Variants in SLC8A1 observed in about 807,000 individuals in gnomAD.
The protein encoded by SLC8A1 is solute carrier family 8 member A1.
SLC8A1 carries 18 observed loss-of-function variants against 68.3 expected under a neutral mutation model. That is an observed-to-expected ratio of 0.26 (90% CI 0.18 to 0.39). The LOEUF (loss-of-function observed/expected upper bound fraction) is 0.39, where lower values mean the gene tolerates loss of function less well. Among genes scored for constraint, SLC8A1 ranks in the 10% least tolerant of loss-of-function variants. The probability of loss-of-function intolerance (pLI) is 1.00; values close to 1 mark genes in which losing one functional copy is unlikely to be tolerated. For missense variants in SLC8A1, 985 were observed against 1,156.7 expected (o/e 0.85, Z 2.15); for synonymous variants, 475 against 415.5 (o/e 1.14, Z -1.74).
At chr2:40,420,114 G>C (rs774118106) in intron 2 of SLC8A1, among the ~76,000 whole-genome samples, 1 of 152,012 alleles carries the variant, frequency 6.6e-6, no homozygotes, top group Non-Finnish European at 1.5e-5. Context: ...ACTTGGAATT[G>C]GGCATTTAAA....
At chr2:40,299,140 C>T (rs934425817) in intron 2 of SLC8A1, among the ~76,000 whole-genome samples, 2 of 152,112 alleles carry the variant, frequency 1.3e-5, no homozygotes, top group Non-Finnish European at 2.9e-5. Context: ...TGTCGCACAC[C>T]CCACCTTTCT....
intron 6 of SLC8A1, among the ~76,000 whole-genome samples, chr2:40,150,149 A>T (rs1229703165): frequency 6.6e-6 from 1 of 152,026 alleles, no homozygotes; most frequent in Non-Finnish European, 1.5e-5. Flanking sequence ...ACAGGCCATA[A>T]GACACAACAC....
intron 1 of SLC8A1, among the ~76,000 whole-genome samples, chr2:40,463,345 C>A (rs867025571): frequency 6.6e-6 from 1 of 152,112 alleles, no homozygotes; most frequent in Non-Finnish European, 1.5e-5. Flanking sequence ...GGGGTGTCAG[C>A]GGCGGCTGCA....
At chr2:40,355,031 G>T (rs1672255163) in intron 2 of SLC8A1, among the ~76,000 whole-genome samples, 1 of 152,126 alleles carries the variant, frequency 6.6e-6, no homozygotes, top group South Asian at 2.1e-4. Flanking sequence ...AAATTGTTCT[G>T]TTCTCAAATA....
At chr2:40,415,198 G>A (rs1456926586) in intron 2 of SLC8A1, among the ~76,000 whole-genome samples, 1 of 152,158 alleles carries the variant, frequency 6.6e-6, no homozygotes, top group East Asian at 1.9e-4. Flanking sequence ...ACAAGGTCAG[G>A]AAGTCTCAGG....
intron 2 of SLC8A1, among the ~76,000 whole-genome samples, chr2:40,394,855 A>G (rs1219725897): frequency 6.6e-6 from 1 of 151,994 alleles, no homozygotes; most frequent in Non-Finnish European, 1.5e-5. Context: ...TTGTGCAAAG[A>G]CTCCCAGAAA....
At chr2:40,342,026 A>C (rs1667853748) in intron 2 of SLC8A1, among the ~76,000 whole-genome samples, 1 of 152,156 alleles carries the variant, frequency 6.6e-6, no homozygotes, top group South Asian at 2.1e-4. Flanking sequence ...AGACCTAATC[A>C]AAGGTTATTT....
chr2:40,225,283 A>G (rs907199935), intron 2 of SLC8A1, among the ~76,000 whole-genome samples: 1 of 152,138 alleles, frequency 6.6e-6, no homozygotes, highest in Non-Finnish European at 1.5e-5. Flanking sequence ...CCCTATTTGT[A>G]TAGTGGAAAT....
At chr2:40,341,172 T>C (rs529565053) in intron 2 of SLC8A1, among the ~76,000 whole-genome samples, 1 of 152,216 alleles carries the variant, frequency 6.6e-6, no homozygotes, top group Admixed American at 6.5e-5. Flanking sequence ...CTCTTTGCCT[T>C]ATTTTTTTAC....
intron 4 of SLC8A1, among the ~76,000 whole-genome samples, chr2:40,174,106 T>C (rs749410079): frequency 2.0e-5 from 3 of 152,140 alleles, no homozygotes; most frequent in African/African-American, 7.2e-5. Context: ...TATTACTCAT[T>C]ACCATGTTAT....
chr2:40,413,206 G>A (rs1692725262), intron 2 of SLC8A1, among the ~76,000 whole-genome samples: 1 of 152,126 alleles, frequency 6.6e-6, no homozygotes, highest in South Asian at 2.1e-4. Flanking sequence ...ATTCCTCAGG[G>A]ATCTAGAACT....
intron 2 of SLC8A1, among the ~76,000 whole-genome samples, chr2:40,311,761 A>G (rs1278741327): frequency 6.6e-6 from 1 of 152,068 alleles, no homozygotes; most frequent in African/African-American, 2.4e-5. Flanking sequence ...TTGCATAATT[A>G]AAATATTAAA....
intron 1 of SLC8A1, among the ~76,000 whole-genome samples, chr2:40,492,505 A>C (rs976270173): frequency 2.5e-4 from 38 of 152,148 alleles, no homozygotes; most frequent in Non-Finnish European, 2.9e-4. Context: ...GGATCTAATT[A>C]AACTAAAGAG....
chr2:40,382,186 T>C (rs1163003028), intron 2 of SLC8A1, among the ~76,000 whole-genome samples: 2 of 152,112 alleles, frequency 1.3e-5, no homozygotes, highest in African/African-American at 4.8e-5. Context: ...TGTGAATTCA[T>C]CCAAAGAGGC....
intron 2 of SLC8A1, among the ~76,000 whole-genome samples, chr2:40,352,293 G>A (rs1385169931): frequency 6.6e-6 from 1 of 152,104 alleles, no homozygotes; most frequent in Non-Finnish European, 1.5e-5. Context: ...AGAAAATTAA[G>A]AACATTATCT....
intron 2 of SLC8A1, among the ~76,000 whole-genome samples, chr2:40,203,495 G>GA (rs1435968256): frequency 1.6e-4 from 25 of 152,030 alleles, no homozygotes; most frequent in South Asian, 1.0e-3. Flanking sequence ...TCATTGGTCT[G>GA]AAAAAATGCC....
At chr2:40,486,381 C>T (rs1704968559) in intron 1 of SLC8A1, among the ~76,000 whole-genome samples, 2 of 152,146 alleles carry the variant, frequency 1.3e-5, no homozygotes, top group South Asian at 4.1e-4. Flanking sequence ...GTACTGATAT[C>T]CTCTGCTTCA....
intron 1 of SLC8A1, among the ~76,000 whole-genome samples, chr2:40,460,616 G>T (rs529037876): frequency 1.3e-5 from 2 of 148,374 alleles, no homozygotes; most frequent in East Asian, 3.9e-4. Flanking sequence ...GTCTCGCCCT[G>T]TTGCCCAGGC....
At chr2:40,171,049 A>C (rs566170434) in intron 4 of SLC8A1, among the ~76,000 whole-genome samples, 1 of 152,164 alleles carries the variant, frequency 6.6e-6, no homozygotes, top group South Asian at 2.1e-4. Flanking sequence ...TTCACTTGCT[A>C]TTTGCCTCTA....
Sources: gnomAD v4.1 joint callset for allele counts (sites outside exome capture counted in the v4.1 genomes callset) on GRCh38, gnomAD v4.1.1 for gene constraint, MANE v1.5 for transcripts, NCBI Gene and HGNC (gene_info 2026-07-23, HGNC 2026-07-21) for gene names.